The following HTR6 variants were observed in gnomAD, a reference collection of about 807,000 sequenced individuals.
HTR6 encodes 5-hydroxytryptamine (serotonin) receptor 6, G protein-coupled.
HTR6 carries 15 observed loss-of-function variants against 17.4 expected under a neutral mutation model. That is an observed-to-expected ratio of 0.86 (90% confidence interval 0.58 to 1.33). The LOEUF is 1.33. Ranked by LOEUF, HTR6 falls within the 40% of genes most tolerant of loss-of-function variation. The pLI is 0.00. For missense variants in HTR6, 578 were observed against 616.0 expected (o/e 0.94, Z 0.65); for synonymous variants, 326 against 295.5 (o/e 1.10, Z -1.06).
rs200833199 is a variant in HTR6 at position 19,679,040 on chromosome 1, G to C, written c.995G>C (p.Gly332Ala). Residue 332 changes from glycine to alanine, a missense_variant, in exon 3 of 3, where the codon GGC (glycine) becomes GCC (alanine). Physicochemically the swap from Gly to Ala is moderately conservative, Grantham distance 60. Coordinates refer to ENST00000289753, the MANE Select transcript of HTR6 (RefSeq NM_000871.3). This position sits in a 1 kb window ranked among gnomAD's most constrained non-coding sequence, Gnocchi z 4.9. ...ATGCGGGACTTCAAGCGGGCGCTGG[G>C]CAGGTTCCTGCCATGTCCACGCTGT... ...LFMRDFKRAL[G>A]RFLPCPRCPR... 1.5e-5 allele frequency: 25 copies of C among 1,614,028 alleles called. No homozygotes were observed. Among genetic ancestry groups the C allele is most frequent in the Non-Finnish European group, 2.1e-5 (25 of 1,179,992 alleles).
Position 19,679,696 on chromosome 1 carries a change from T to G in HTR6, c.*328T>G. 3.2e-6 allele frequency: 1 copy of G among 309,786 alleles called. No homozygotes were observed. 19.2% of individuals were successfully genotyped at this position (309,786 alleles called of 1,614,324 possible). On this transcript the variant is annotated 3_prime_UTR_variant, in exon 3 of 3. Transcript: ENST00000289753. The surrounding 1 kb of genome is among the most constrained non-coding windows in gnomAD (Gnocchi z 4.9). ...TGAAAACAATCATGACCTTTGCCCA[T>G]TCTGTCAGGCTGGACGGGAGGGAAT...
At position 19,666,214 on chromosome 1, in the gene HTR6, C is replaced by T. The variant is rs2095081504; in HGVS notation, c.461C>T (p.Ala154Val). ...CTAGTCCTGGGCGCCTGGAGCCTCG[C>T]CGCTCTCGCCTCCTTCCTGCCCCTG... The part of the protein sequence containing the change: ...LALVLGAWSL[A>V]ALASFLPLLL... Residue 154 changes from alanine to valine, a missense_variant, in exon 1 of 3, where the codon GCC becomes GTC. Coordinates refer to ENST00000289753, the MANE Select transcript of HTR6 (RefSeq NM_000871.3). The surrounding 1 kb of genome is among the most constrained non-coding windows in gnomAD (Gnocchi z 4.5). The T allele has an allele frequency of 6.2e-7, 1 of 1,609,206 alleles. No individual in the cohort carries two copies. Among genetic ancestry groups the T allele is most frequent in the African/African-American group, 1.3e-5 (1 of 75,048 alleles).
chr1:19,668,680 G>A (rs2095084491), intron 1 of HTR6, among the ~76,000 whole-genome samples: 1 of 152,190 alleles, frequency 6.6e-6, no homozygotes, highest in Admixed American at 6.6e-5. Context: ...CTCCCGAGTA[G>A]CTGGAATTGC....
chr1:19,666,074 G>C lies in HTR6; in HGVS notation c.321G>C (p.Val107=), dbSNP rs144023437. Residue 107 remains valine (V), a synonymous_variant, in exon 1 of 3, where the codon GTG becomes GTC. Transcript: ENST00000289753. This position sits in a 1 kb window ranked among gnomAD's most constrained non-coding sequence, Gnocchi z 4.5. The stretch of plus-strand genomic sequence containing the variant: ...GCCTGCTCTGGACCGCCTTCGACGT[G>C]ATGTGCTGCAGCGCCTCCATCCTCA... ...GLCLLWTAFD[V]MCCSASILNL... is the part of the protein sequence containing the mutation. The C allele has an allele frequency of 1.2e-6, 2 of 1,612,946 alleles. No individual in the cohort carries two copies. The highest frequency in any genetic ancestry group is 1.7e-6 in the Non-Finnish European group (2 of 1,179,860).
chr1:19,670,467 C>CTTT (rs34145209), intron 1 of HTR6, among the ~76,000 whole-genome samples: 22 of 137,686 alleles, frequency 1.6e-4, no homozygotes, highest in African/African-American at 5.5e-4. Context: ...GTTTTTCTGC[C>CTTT]TTTTTTTTTT....
rs1197746147 is a variant in HTR6 at position 19,680,719 on chromosome 1, AG to A, written c.*1356del. On this transcript the variant is annotated 3_prime_UTR_variant, in exon 3 of 3. Transcript: ENST00000289753. ...CACAGGGGCCTTGGTTTCTGGGGGC[AG>A]GGGGTTGGGGAACTCTTGGTCGCCA... Among the ~76,000 whole-genome samples, 2 of 152,124 alleles carry A rather than the reference AG, an allele frequency of 1.3e-5. No homozygotes were observed. Among genetic ancestry groups the A allele is most frequent in the African/African-American group, 4.8e-5 (2 of 41,426 alleles).
chr1:19,673,176 T>C (rs1250433668), intron 1 of HTR6, among the ~76,000 whole-genome samples: 1 of 152,240 alleles, frequency 6.6e-6, no homozygotes, highest in African/African-American at 2.4e-5. Context: ...CTATGGGACT[T>C]CCTATGTGCT....
chr1:19,676,702 A>T (rs916970334), intron 1 of HTR6, among the ~76,000 whole-genome samples: 9 of 152,162 alleles, frequency 5.9e-5, no homozygotes, highest in Non-Finnish European at 1.2e-4. Flanking sequence ...TGGAGTTGAC[A>T]CATCTTGGCT....
chr1:19,675,600 G>T (rs1183434513), intron 1 of HTR6, among the ~76,000 whole-genome samples: 12 of 152,046 alleles, frequency 7.9e-5, no homozygotes, highest in Admixed American at 2.6e-4. Context: ...TTCCCCCAAT[G>T]ATTGACCTGA....
Position 19,666,074 on chromosome 1 carries a change from G to A in HTR6, c.321G>A (p.Val107=). 1 of 1,613,064 alleles carries A rather than the reference G, an allele frequency of 6.2e-7. No individual in the cohort carries two copies. Among genetic ancestry groups the A allele is most frequent in the East Asian group, 2.2e-5 (1 of 44,868 alleles). The change falls in exon 1 of 3, where the codon GTG becomes GTA. Residue 107 remains valine (V), a synonymous_variant. Transcript: ENST00000289753. This position sits in a 1 kb window ranked among gnomAD's most constrained non-coding sequence, Gnocchi z 4.5. The part of the protein sequence containing the change: ...GLCLLWTAFD[V]MCCSASILNL... Reference sequence around the variant, plus strand: ...GCCTGCTCTGGACCGCCTTCGACGTGATGTGCTGCAGCGCCTCCATCCTCA... The same window carrying A: ...GCCTGCTCTGGACCGCCTTCGACGTAATGTGCTGCAGCGCCTCCATCCTCA...
intron 1 of HTR6, among the ~76,000 whole-genome samples, chr1:19,668,237 T>C (rs1284782309): frequency 1.3e-5 from 2 of 152,168 alleles, no homozygotes; most frequent in African/African-American, 4.8e-5. Context: ...CCTGGGTTCT[T>C]GCTTTTTGTT....
chr1:19,666,513 A>AT lies in HTR6; in HGVS notation c.714+47dup. ...GACCCGGGCTGTGGGATAGAGAGGA[A>AT]TGAGCAGCCCCTGGGGACCCCCTGG... On this transcript the variant is annotated intron_variant, in intron 1 of 2. Transcript: ENST00000289753. This position sits in a 1 kb window ranked among gnomAD's most constrained non-coding sequence, Gnocchi z 4.5. 2 of 1,442,854 alleles carry AT rather than the reference A, an allele frequency of 1.4e-6. No homozygotes were observed. The highest frequency in any genetic ancestry group is 1.9e-6 in the Non-Finnish European group (2 of 1,064,384). 89.4% of individuals were successfully genotyped at this position (1,442,854 alleles called of 1,614,324 possible).
In HTR6 at chr1:19,680,076, G is replaced by A. The variant is rs538827774; in HGVS notation, c.*708G>A. Among the ~76,000 whole-genome samples the A allele has an allele frequency of 6.6e-6, 1 of 152,316 alleles. No individual in the cohort carries two copies. Among genetic ancestry groups the A allele is most frequent in the South Asian group, 2.1e-4 (1 of 4,830 alleles). ...TGCTCTACCACCTATGAGCTCTGGG[G>A]CCTGACACGAGTTATTTAACCTCTC... On this transcript the variant is annotated 3_prime_UTR_variant, in exon 3 of 3. Coordinates refer to ENST00000289753, the MANE Select transcript of HTR6 (RefSeq NM_000871.3).
intron 1 of HTR6, among the ~76,000 whole-genome samples, chr1:19,668,276 G>T (rs951938245): frequency 8.6e-5 from 13 of 152,032 alleles, no homozygotes; most frequent in Non-Finnish European, 1.9e-4. Context: ...TAAGAGACAG[G>T]GTCTTGCTCT....
Position 19,679,163 on chromosome 1 carries a change from C to T in HTR6, c.1118C>T (p.Pro373Leu), listed in dbSNP as rs1476412066. The part of the protein sequence containing the change: ...GLSLQQVLPL[P>L]LPPDSDSDSD... ...AGCCTACAGCAGGTGCTGCCGCTGC[C>T]CCTGCCGCCGGACTCAGATTCGGAC... is the stretch of plus-strand genomic sequence containing the variant. Residue 373 changes from proline to leucine, a missense_variant, in exon 3 of 3, where the codon CCC becomes CTC. Physicochemically the swap from Pro to Leu is moderately conservative, Grantham distance 98 (BLOSUM62 -3). Transcript: ENST00000289753. The surrounding 1 kb of genome is among the most constrained non-coding windows in gnomAD (Gnocchi z 4.9). 1.9e-6 allele frequency: 3 copies of T among 1,598,546 alleles called. No individual in the cohort carries two copies. Among genetic ancestry groups the T allele is most frequent in the African/African-American group, 1.3e-5 (1 of 74,496 alleles).
Position 19,665,832 on chromosome 1 carries a change from G to C in HTR6, c.79G>C (p.Gly27Arg). 1 of 1,564,282 alleles carries C rather than the reference G, an allele frequency of 6.4e-7. No homozygotes were observed. The highest frequency in any genetic ancestry group is 1.2e-5 in the South Asian group (1 of 85,502). ...AGPPSAPGGSGWVAAALCVVI... is the reference protein window; with the variant it reads ...AGPPSAPGGSRWVAAALCVVI... ...GCCGCCGTCGGCCCCGGGGGGCAGC[G>C]GCTGGGTGGCGGCCGCGCTGTGCGT... The change falls in exon 1 of 3, where the codon GGC (glycine) becomes CGC (arginine). Residue 27 changes from glycine to arginine, a missense_variant. Coordinates refer to ENST00000289753, the MANE Select transcript of HTR6 (RefSeq NM_000871.3). This position sits in a 1 kb window ranked among gnomAD's most constrained non-coding sequence, Gnocchi z 4.2.
In HTR6 at chr1:19,666,843, C is replaced by T. The variant is rs547407319; in HGVS notation, c.714+376C>T. ...GCCATTCATTAGCGAGACCTGTTGG[C>T]GCTGCTCTAAACAGGTGCCATCTCC... On this transcript the variant is annotated intron_variant, in intron 1 of 2. Transcript: ENST00000289753. This position sits in a 1 kb window ranked among gnomAD's most constrained non-coding sequence, Gnocchi z 4.5. Among the ~76,000 whole-genome samples, 89 of 152,208 alleles carry T rather than the reference C, an allele frequency of 5.8e-4. 1 individual carries two copies. The highest frequency in any genetic ancestry group is 3.5e-3 in the Admixed American group (53 of 15,286).
Position 19,665,065 on chromosome 1 carries a change from C to G in HTR6, c.-689C>G, listed in dbSNP as rs2095079097. On this transcript the variant is annotated 5_prime_UTR_variant, in exon 1 of 3. Coordinates refer to ENST00000289753, the MANE Select transcript of HTR6 (RefSeq NM_000871.3). This position sits in a 1 kb window ranked among gnomAD's most constrained non-coding sequence, Gnocchi z 4.2. The stretch of plus-strand genomic sequence containing the variant: ...GTGCGGGCGGGAGACGGAGGCGACC[C>G]TGCTGCCGGGTGGGGAGGGGGCGCC... 6.6e-6 allele frequency among the ~76,000 whole-genome samples: 1 copy of G among 151,576 alleles called. No homozygotes were observed.
chr1:19,680,694 C>A lies in HTR6; in HGVS notation c.*1326C>A, dbSNP rs538924056. On this transcript the variant is annotated 3_prime_UTR_variant, in exon 3 of 3. Coordinates refer to ENST00000289753, the MANE Select transcript of HTR6 (RefSeq NM_000871.3). ...CACGAGGCAGGCAGGTGGACTCTGG[C>A]ACAGGGGCCTTGGTTTCTGGGGGCA... Among the ~76,000 whole-genome samples, 1 of 152,292 alleles carries A rather than the reference C, an allele frequency of 6.6e-6. No homozygotes were observed. The highest frequency in any genetic ancestry group is 2.1e-4 in the South Asian group (1 of 4,826).
Sources: gnomAD v4.1 joint callset for allele counts (sites outside exome capture counted in the v4.1 genomes callset) on GRCh38, gnomAD v4.1.1 for gene constraint, Gnocchi (gnomAD v3.1) non-coding constraint, MANE v1.5 for transcripts, NCBI Gene and HGNC (gene_info 2026-07-23, HGNC 2026-07-21) for gene names.